Variants in ANKFY1 observed in about 807,000 individuals in gnomAD.
ANKFY1 encodes the protein ankyrin repeat and FYVE domain-containing protein 1.
Under a neutral mutation model 128.3 loss-of-function variants are expected in ANKFY1, and 47 were observed. That is an observed-to-expected ratio of 0.37 (90% CI 0.29 to 0.47). The LOEUF (loss-of-function observed/expected upper bound fraction) is 0.47, where lower values mean the gene tolerates loss of function less well. Ranked by LOEUF, ANKFY1 falls within the 20% of genes least tolerant of loss-of-function variation. ANKFY1 has a pLI of 1.00. For missense variants in ANKFY1, 1,222 were observed against 1,510.6 expected, an observed-to-expected ratio of 0.81 and a Z score of 3.17; for synonymous variants, 553 against 601.6, an observed-to-expected ratio of 0.92 and a Z score of 1.18.
At chr17:4,212,945 A>AT (rs962945433) in intron 4 of ANKFY1, among the ~76,000 whole-genome samples, 129 of 144,350 alleles carry the variant, frequency 8.9e-4, no homozygotes, top group South Asian at 2.6e-3. Flanking sequence ...TAATTTTTGT[A>AT]TTTTTTTTTT....
At chr17:4,174,549 A>G (rs2059379837) in intron 19 of ANKFY1, among the ~76,000 whole-genome samples, 1 of 152,150 alleles carries the variant, frequency 6.6e-6, no homozygotes, top group African/African-American at 2.4e-5. Context: ...CCATCTGGGG[A>G]AGACAGAGCT....
At chr17:4,217,196 G>A (rs892551697) in intron 3 of ANKFY1, 78 bp from the exon 4 acceptor site, 19 of 1,532,094 alleles carry the variant, frequency 1.2e-5, no homozygotes, top group Non-Finnish European at 1.6e-5. Flanking sequence ...CCTAAAATTT[G>A]AGGCTAATAA....
intron 5 of ANKFY1, among the ~76,000 whole-genome samples, chr17:4,209,000 A>G (rs2060076561): frequency 6.6e-6 from 1 of 152,026 alleles, no homozygotes; most frequent in Admixed American, 6.5e-5. Flanking sequence ...CGGAGGTTGC[A>G]GGGAGCTGAG....
intron 3 of ANKFY1, among the ~76,000 whole-genome samples, chr17:4,229,652 T>C (rs1002576609): frequency 6.6e-6 from 1 of 152,170 alleles, no homozygotes; most frequent in Non-Finnish European, 1.5e-5. Context: ...AAAAGCAGTA[T>C]GAGGATTAAG....
chr17:4,223,722 T>C (rs996060632), intron 3 of ANKFY1: 5 of 1,592,370 alleles, frequency 3.1e-6, no homozygotes, highest in African/African-American at 2.7e-5. Context: ...GATGAACCAT[T>C]TGCTGTGATG....
In ANKFY1 at chr17:4,206,379, A is replaced by C; in HGVS notation, c.840T>G (p.Ala280=). 6.2e-7 allele frequency: 1 copy of C among 1,614,200 alleles called. No homozygotes were observed. Among genetic ancestry groups the C allele is most frequent in the Non-Finnish European group, 8.5e-7 (1 of 1,180,024 alleles). ...CACTCTTGTCCACCATGTCCACATC[A>C]GCTTTGTGACTAACCAGCGTGGTGG... ...SIATTLVSHK[A]DVDMVDKSGW... The change falls in exon 7 of 25, where the codon GCT becomes GCG. Residue 280 remains alanine, a synonymous_variant. Transcript: ENST00000341657.
rs916627127 is a variant in ANKFY1, at chr17:4,252,607, T to C, written c.11-10159A>G. Among the ~76,000 whole-genome samples the C allele has an allele frequency of 2.6e-5, 4 of 152,160 alleles. No homozygotes were observed. The East Asian group carries it at 5.8e-4, about 22-fold the overall frequency. ...AACTAGAAGCTAGAAGCCTGATACA[T>C]TGCTAATGGAAATGCAAAATGGCAT... is the stretch of plus-strand genomic sequence containing the variant. On this transcript the variant is annotated intron_variant, in intron 1 of 24. Transcript: ENST00000341657.
chr17:4,183,334 T>C, intron 14 of ANKFY1, 64 bp downstream of exon 14: 1 of 1,574,862 alleles, frequency 6.3e-7, no homozygotes. Context: ...CAAGCGAGGC[T>C]ATGCTTTTGA....
chr17:4,252,995 G>C (rs1441158913), intron 1 of ANKFY1, among the ~76,000 whole-genome samples: 3 of 152,174 alleles, frequency 2.0e-5, no homozygotes, highest in Non-Finnish European at 4.4e-5. Flanking sequence ...AGGCAAACCA[G>C]GATCACTTGA....
chr17:4,193,115 T>C (rs1025804339), intron 10 of ANKFY1, among the ~76,000 whole-genome samples: 1 of 152,218 alleles, frequency 6.6e-6, no homozygotes, highest in African/African-American at 2.4e-5. Context: ...ATATGTAAGA[T>C]TTGAACAGCA....
intron 5 of ANKFY1, among the ~76,000 whole-genome samples, chr17:4,208,285 G>C (rs770945221): frequency 6.6e-6 from 1 of 152,222 alleles, no homozygotes; most frequent in Non-Finnish European, 1.5e-5. Flanking sequence ...GGCATAAAGA[G>C]ATTAGATAAC....
At chr17:4,222,419 A>G (rs988289629) in intron 3 of ANKFY1, 27 of 799,136 alleles carry the variant, frequency 3.4e-5, no homozygotes, top group Non-Finnish European at 5.7e-5. Flanking sequence ...TTCACCTGGC[A>G]TTCGAAGTCC....
intron 19 of ANKFY1, among the ~76,000 whole-genome samples, chr17:4,174,374 C>T (rs1220909732): frequency 6.6e-6 from 1 of 152,032 alleles, no homozygotes; most frequent in Non-Finnish European, 1.5e-5. Context: ...CTACGGGTGT[C>T]TACTGCTTGG....
At chr17:4,189,269 A>G (rs1423679313) in intron 11 of ANKFY1, 113 bp downstream of exon 11, 2 of 795,626 alleles carry the variant, frequency 2.5e-6, no homozygotes, top group Middle Eastern at 2.3e-4. Flanking sequence ...TGCATGTATT[A>G]TTCTGATTAA....
chr17:4,165,188 A>G lies in ANKFY1; in HGVS notation c.*2591T>C, dbSNP rs1274075687. On this transcript the variant is annotated 3_prime_UTR_variant, in exon 25 of 25. Coordinates refer to ENST00000341657, the MANE Select transcript of ANKFY1 (RefSeq NM_001330063.2). ...GTACCTTTGTTTTAAAAACAACGAC[A>G]ACAAAAGACTGTTAGGAATACACTG... is the stretch of plus-strand genomic sequence containing the variant. The G allele has an allele frequency of 6.6e-6, 1 of 152,244 alleles. No individual in the cohort carries two copies. The highest frequency in any genetic ancestry group is 2.4e-5 in the African/African-American group (1 of 41,468). 9.4% of individuals were successfully genotyped at this position (152,244 alleles called of 1,614,324 possible). A position where few individuals can be genotyped will look rare whatever the true frequency, so the allele number is the denominator to read the frequency against.
chr17:4,205,469 G>A (rs1262803943), intron 7 of ANKFY1, among the ~76,000 whole-genome samples: 1 of 152,014 alleles, frequency 6.6e-6, no homozygotes. Context: ...CTGGGAGGAC[G>A]CGGTGGCTCA....
chr17:4,183,253 A>C (rs1260467784), intron 14 of ANKFY1, 145 bp downstream of exon 14: 12 of 919,016 alleles, frequency 1.3e-5, no homozygotes, highest in Non-Finnish European at 1.8e-5. Context: ...CAGTGATGAC[A>C]CCGCAGTTGT....
chr17:4,179,308 C>G (rs1319669375), intron 17 of ANKFY1: 7 of 566,032 alleles, frequency 1.2e-5, no homozygotes, highest in Non-Finnish European at 2.2e-5. Context: ...CAGTGAGTCT[C>G]CGCTCTAAGC....
At chr17:4,196,110 C>T (rs1343142408) in intron 8 of ANKFY1, among the ~76,000 whole-genome samples, 1 of 120,986 alleles carries the variant, frequency 8.3e-6, no homozygotes, top group Non-Finnish European at 1.7e-5. Context: ...CCCAAAAACA[C>T]ACACTTTGAG....
Sources: allele counts gnomAD v4.1 joint callset (sites outside exome capture counted in the v4.1 genomes callset), GRCh38; gene constraint gnomAD v4.1.1; transcripts MANE v1.5; gene names NCBI Gene and HGNC (gene_info 2026-07-23, HGNC 2026-07-21).